Variants in SCEL observed in about 807,000 individuals in gnomAD.
SCEL encodes sciellin.
A neutral mutation model predicts 117.6 loss-of-function variants in SCEL; 113 were observed. The ratio of observed to expected loss-of-function variants is 0.96; its 90% CI spans 0.83 to 1.12. The LOEUF is 1.12. Among genes scored for constraint, SCEL ranks in the 50% most tolerant of loss-of-function variants. SCEL has a pLI of 0.00. For synonymous variants in SCEL, 270 were observed against 256.2 expected (o/e 1.05, Z -0.51); for missense variants, 785 against 810.8 (o/e 0.97, Z 0.39).
intron 5 of SCEL, among the ~76,000 whole-genome samples, chr13:77,565,086 A>C (rs1465342512): frequency 6.6e-6 from 1 of 152,186 alleles, no homozygotes; most frequent in Admixed American, 6.5e-5. Flanking sequence ...ATTGAGACTC[A>C]AGTAAGGTGG....
chr13:77,563,187 C>G (rs564713608), intron 4 of SCEL, among the ~76,000 whole-genome samples: 5 of 151,846 alleles, frequency 3.3e-5, no homozygotes, highest in Non-Finnish European at 7.4e-5. Flanking sequence ...TCCTCTTCTT[C>G]TTCCTATCAC....
chr13:77,557,507 A>G (rs564059896), intron 3 of SCEL, among the ~76,000 whole-genome samples: 2 of 152,368 alleles, frequency 1.3e-5, no homozygotes, highest in South Asian at 2.1e-4. Context: ...CGTAGGTGTT[A>G]TATCTCCTCA....
intron 9 of SCEL, among the ~76,000 whole-genome samples, chr13:77,578,211 G>T (rs981610106): frequency 1.3e-5 from 2 of 152,078 alleles, no homozygotes; most frequent in African/African-American, 4.8e-5. Context: ...ATGACCATGA[G>T]GTAGCAGAGG....
At chr13:77,541,699 G>T (rs2083711671) in intron 1 of SCEL, among the ~76,000 whole-genome samples, 1 of 152,098 alleles carries the variant, frequency 6.6e-6, no homozygotes, top group African/African-American at 2.4e-5. Context: ...TTGATTAAAG[G>T]TGTCTGATTT....
At chr13:77,544,911 T>A (rs982993088) in intron 1 of SCEL, among the ~76,000 whole-genome samples, 1 of 152,192 alleles carries the variant, frequency 6.6e-6, no homozygotes, top group Admixed American at 6.5e-5. Flanking sequence ...AGGCAGCAGA[T>A]AAAAACTAGC....
intron 29 of SCEL, among the ~76,000 whole-genome samples, chr13:77,635,830 C>A (rs2090253132): frequency 6.6e-6 from 1 of 152,028 alleles, no homozygotes; most frequent in Non-Finnish European, 1.5e-5. Flanking sequence ...GTCTCTGGGC[C>A]AGCATCATCA....
intron 9 of SCEL, among the ~76,000 whole-genome samples, chr13:77,578,358 G>A (rs1050942687): frequency 6.6e-6 from 1 of 151,820 alleles, no homozygotes; most frequent in Non-Finnish European, 1.5e-5. Flanking sequence ...AACTCCTGGG[G>A]GAGCAGGGAT....
At chr13:77,551,494 G>A (rs1159953732) in intron 1 of SCEL, among the ~76,000 whole-genome samples, 1 of 152,178 alleles carries the variant, frequency 6.6e-6, no homozygotes, top group Non-Finnish European at 1.5e-5. Context: ...TTGTCTCACA[G>A]TTGTGGGGGC....
Position 77,569,417 on chromosome 13 carries a change from T to C in SCEL, c.445T>C (p.Ser149Pro), listed in dbSNP as rs1373361729. Residue 149 changes from serine (S) to proline (P), a missense_variant, in exon 8 of 33, where the codon TCC (serine) becomes CCC (proline). Physicochemically the swap from Ser to Pro is moderately conservative, Grantham distance 74. Transcript: ENST00000349847. ...LNANTSNTIA[S>P]TSATTPVKKK... ...TGCCAACACCTCCAACACCATAGCA[T>C]CCACTTCTGCTACTACTCCTGTAAA... is the stretch of plus-strand genomic sequence containing the variant. The C allele has an allele frequency of 6.2e-7, 1 of 1,613,864 alleles. No individual in the cohort carries two copies. The highest frequency in any genetic ancestry group is 1.7e-5 in the Admixed American group (1 of 60,024).
intron 16 of SCEL, 84 bp downstream of exon 16, chr13:77,602,208 C>T (rs1163360956): frequency 8.7e-7 from 1 of 1,151,116 alleles, no homozygotes; most frequent in Non-Finnish European, 1.2e-6. Flanking sequence ...GTTATGCTTT[C>T]CTTTGTGGCA....
intron 9 of SCEL, among the ~76,000 whole-genome samples, chr13:77,588,862 A>G (rs1291234564): frequency 6.6e-6 from 1 of 152,194 alleles, no homozygotes; most frequent in Non-Finnish European, 1.5e-5. Flanking sequence ...TACTAGCAAA[A>G]TATTGAGTTA....
intron 8 of SCEL, among the ~76,000 whole-genome samples, chr13:77,570,488 C>A (rs2085532461): frequency 6.6e-6 from 1 of 152,216 alleles, no homozygotes. Context: ...TGGGACACAT[C>A]TTTGACTTGC....
intron 11 of SCEL, among the ~76,000 whole-genome samples, chr13:77,593,306 G>GTC: frequency 6.8e-6 from 1 of 147,780 alleles, no homozygotes; most frequent in Non-Finnish European, 1.5e-5. Flanking sequence ...GTCTGTGTGT[G>GTC]TGTGTGTGTG....
At chr13:77,626,123 T>A (rs1277099071) in intron 27 of SCEL, among the ~76,000 whole-genome samples, 2 of 152,168 alleles carry the variant, frequency 1.3e-5, no homozygotes, top group African/African-American at 2.4e-5. Flanking sequence ...CTGGGGAGTC[T>A]CACAATCATG....
chr13:77,556,267 T>G (rs1465358282), intron 2 of SCEL, among the ~76,000 whole-genome samples: 7 of 152,162 alleles, frequency 4.6e-5, no homozygotes, highest in Non-Finnish European at 1.0e-4. Context: ...CCAGGGTATA[T>G]TTCTTATGGG....
intron 1 of SCEL, among the ~76,000 whole-genome samples, chr13:77,536,086 C>T (rs1229701935): frequency 2.6e-5 from 4 of 151,986 alleles, no homozygotes; most frequent in Admixed American, 2.6e-4. Context: ...TGGGTGGGAG[C>T]TGTCAGCTGG....
Position 77,632,820 on chromosome 13 carries a change from G to A in SCEL, c.1692-1559G>A, listed in dbSNP as rs374980231. 1.5e-4 allele frequency among the ~76,000 whole-genome samples: 23 copies of A among 152,296 alleles called. 1 individual carries two copies. The East Asian group carries it at 3.9e-3, about 26-fold the overall frequency. On this transcript the variant is annotated intron_variant, in intron 28 of 32. Coordinates refer to ENST00000349847, the MANE Select transcript of SCEL (RefSeq NM_144777.3). ...TATTTTTAGATTAGCAGAAATCTAG[G>A]TCAGAGTTCTTCTGCCATCTTCAAA...
intron 4 of SCEL, among the ~76,000 whole-genome samples, chr13:77,562,083 A>C (rs1255835430): frequency 6.6e-6 from 1 of 152,144 alleles, no homozygotes; most frequent in Non-Finnish European, 1.5e-5. Flanking sequence ...GCCAAATAGC[A>C]CCTGTAGGAG....
chr13:77,599,790 A>G (rs1462961796), intron 15 of SCEL, 42 bp downstream of exon 15: 2 of 1,382,258 alleles, frequency 1.4e-6, no homozygotes, highest in African/African-American at 1.4e-5. Flanking sequence ...TGAGTCCCAG[A>G]TGGTGTACTA....
Sources: gnomAD v4.1 joint callset for allele counts (sites outside exome capture counted in the v4.1 genomes callset) on GRCh38, gnomAD v4.1.1 for gene constraint, MANE v1.5 for transcripts, NCBI Gene and HGNC (gene_info 2026-07-23, HGNC 2026-07-21) for gene names.